ADGRV1: variants seen among roughly 807,000 people sequenced by gnomAD.
ADGRV1 encodes G-protein coupled receptor 98.
Under a neutral mutation model 596.2 loss-of-function variants are expected in ADGRV1, and 359 were observed. The observed-to-expected ratio is 0.60, with a 90% CI of 0.55 to 0.66. The LOEUF (loss-of-function observed/expected upper bound fraction) is 0.66. Among genes scored for constraint, ADGRV1 ranks in the 30% least tolerant of loss-of-function variants. The pLI is 0.00. For missense variants in ADGRV1, 7,274 were observed against 7,575.6 expected (o/e 0.96, Z 1.48); for synonymous variants, 2,681 against 2,679.2 (o/e 1.00, Z -0.02).
At chr5:90,822,991 C>G (rs111669000) in intron 75 of ADGRV1, among the ~76,000 whole-genome samples, 1,994 of 152,262 alleles carry the variant, frequency 0.013, 48 homozygotes, top group African/African-American at 0.045. Flanking sequence ...TATCCTGAGA[C>G]TTTGCTGAAG....
At chr5:91,114,256 G>T (rs1340174154) in intron 87 of ADGRV1, among the ~76,000 whole-genome samples, 2 of 151,994 alleles carry the variant, frequency 1.3e-5, no homozygotes, top group Non-Finnish European at 2.9e-5. Context: ...GCTGGGTGCA[G>T]TGGGTCAAGC....
chr5:90,807,449 C>T (rs1224327151), intron 72 of ADGRV1, among the ~76,000 whole-genome samples, 153 bp from the exon 73 acceptor site: 3 of 152,158 alleles, frequency 2.0e-5, no homozygotes, highest in Non-Finnish European at 4.4e-5. Context: ...TGTAAGTTTA[C>T]CTCTCCCCCG....
intron 52 of ADGRV1, among the ~76,000 whole-genome samples, chr5:90,746,840 A>G (rs956139376): frequency 6.6e-6 from 1 of 152,228 alleles, no homozygotes; most frequent in Non-Finnish European, 1.5e-5. Flanking sequence ...TGCAGCAGTT[A>G]TTTAACAAAT....
At position 90,763,303 on chromosome 5, in the gene ADGRV1, A is replaced by G; in HGVS notation, c.12121-2A>G. 1 of 1,520,522 alleles carries G rather than the reference A, an allele frequency of 6.6e-7. No individual in the cohort carries two copies. Among genetic ancestry groups the G allele is most frequent in the Non-Finnish European group, 8.9e-7 (1 of 1,126,118 alleles). The allele number at this position is 1,520,522 out of a possible 1,614,324, so 94.2% of individuals were successfully genotyped here. The stretch of plus-strand genomic sequence containing the variant: ...TGGCCTTACTGAATTTTCTTCTTTC[A>G]GGTAATGATTGATGAATCCCTTTCA... On this transcript the variant is annotated splice_acceptor_variant, in intron 58 of 89. Coordinates refer to ENST00000405460, the MANE Select transcript of ADGRV1 (RefSeq NM_032119.4). LOFTEE classifies it high-confidence loss of function.
intron 87 of ADGRV1, among the ~76,000 whole-genome samples, chr5:91,122,892 T>G (rs1212945123): frequency 6.6e-6 from 1 of 152,270 alleles, no homozygotes; most frequent in African/African-American, 2.4e-5. Flanking sequence ...TAGTGTCAGA[T>G]GTGCTTCCTG....
chr5:90,813,587 C>T (rs563157388), intron 74 of ADGRV1, among the ~76,000 whole-genome samples: 1 of 152,202 alleles, frequency 6.6e-6, no homozygotes, highest in African/African-American at 2.4e-5. Context: ...ATAAGGCACA[C>T]TCATCACACA....
intron 70 of ADGRV1, among the ~76,000 whole-genome samples, chr5:90,801,253 C>T (rs1351957911): frequency 2.0e-5 from 3 of 152,138 alleles, no homozygotes; most frequent in Non-Finnish European, 4.4e-5. Flanking sequence ...CTCAAATCTG[C>T]TCTAACTCAT....
chr5:90,781,095 A>T (rs1042033031), intron 64 of ADGRV1: 2 of 352,790 alleles, frequency 5.7e-6, no homozygotes, highest in African/African-American at 2.1e-5. Context: ...CTGTATATGT[A>T]TGTATTCAGC....
chr5:90,683,019 T>C (rs1745145352), intron 27 of ADGRV1, among the ~76,000 whole-genome samples: 1 of 152,236 alleles, frequency 6.6e-6, no homozygotes, highest in Non-Finnish European at 1.5e-5. Flanking sequence ...TTCCTTGCAA[T>C]GAAATATATA....
chr5:91,122,356 G>A (rs1448665839), intron 87 of ADGRV1, among the ~76,000 whole-genome samples: 5 of 152,142 alleles, frequency 3.3e-5, no homozygotes, highest in Non-Finnish European at 5.9e-5. Flanking sequence ...TTTCCCAAAT[G>A]GTAACAAGGG....
At chr5:90,776,265 C>T (rs1381497923) in intron 60 of ADGRV1, among the ~76,000 whole-genome samples, 188 bp from the exon 61 acceptor site, 3 of 152,044 alleles carry the variant, frequency 2.0e-5, no homozygotes, top group African/African-American at 7.3e-5. Flanking sequence ...AGCGATTTGC[C>T]TCCATGTCTT....
intron 86 of ADGRV1, among the ~76,000 whole-genome samples, chr5:91,085,448 C>T (rs979312408): frequency 1.3e-5 from 2 of 152,176 alleles, no homozygotes; most frequent in Non-Finnish European, 2.9e-5. Flanking sequence ...ATCTTTGAAA[C>T]AGATTCTACT....
In ADGRV1 at chr5:90,729,681, G is replaced by A. The variant is rs780372483; in HGVS notation, c.10466G>A (p.Gly3489Glu). The change falls in exon 50 of 90, where the codon GGA (glycine) becomes GAA (glutamate). Residue 3489 changes from glycine to glutamate, a missense_variant. Gly to Glu is a moderately conservative substitution (Grantham distance 98, BLOSUM62 -2). Coordinates refer to ENST00000405460, the MANE Select transcript of ADGRV1 (RefSeq NM_032119.4). ...ATTGATATTTTCATCTGGGAGATGG[G>A]ACAGTCTTCCTTCAGGTATTTTCAG... ...NSIDIFIWEM[G>E]QSSFRYFQSV... 10 of 1,604,754 alleles carry A rather than the reference G, an allele frequency of 6.2e-6. No individual in the cohort carries two copies. In the Middle Eastern group the frequency reaches 8.2e-4, roughly 132 times the overall value.
intron 89 of ADGRV1, among the ~76,000 whole-genome samples, chr5:91,163,318 C>G (rs886400067): frequency 1.3e-5 from 2 of 152,228 alleles, no homozygotes; most frequent in African/African-American, 2.4e-5. Context: ...GGTGTTCTCA[C>G]ATGCCTGTCT....
chr5:90,712,539 G>A, intron 42 of ADGRV1, 111 bp downstream of exon 42: 1 of 815,486 alleles, frequency 1.2e-6, no homozygotes, highest in Non-Finnish European at 1.9e-6. Context: ...TGCTTAAAAT[G>A]AGAATGATTT....
chr5:90,767,062 A>G (rs1206531750), intron 59 of ADGRV1, among the ~76,000 whole-genome samples: 2 of 152,208 alleles, frequency 1.3e-5, no homozygotes, highest in African/African-American at 4.8e-5. Context: ...GGGAGGTGGA[A>G]GAGACAATCT....
Position 90,755,183 on chromosome 5 carries a change from C to A in ADGRV1, c.11578C>A (p.Pro3860Thr). The A allele has an allele frequency of 6.3e-7, 1 of 1,594,102 alleles. No individual in the cohort carries two copies. The highest frequency in any genetic ancestry group is 8.5e-7 in the Non-Finnish European group (1 of 1,174,390). Residue 3860 changes from proline (P) to threonine (T), a missense_variant and splice_region_variant, in exon 55 of 90, where the codon CCG becomes ACG. Pro to Thr is a conservative substitution (Grantham distance 38). Transcript: ENST00000405460. ...AGCTCATGCCGAAGTTTCCATTTTGCCGGTAAGTCAAGGCTGCAAAGAATG... is the reference window on the plus strand; with the variant it reads ...AGCTCATGCCGAAGTTTCCATTTTGACGGTAAGTCAAGGCTGCAAAGAATG... Reference protein sequence around the residue: ...KEAHAEVSILPDDLPELEEGF... With the variant: ...KEAHAEVSILTDDLPELEEGF...
chr5:90,865,457 A>G (rs1768001804), intron 83 of ADGRV1, among the ~76,000 whole-genome samples: 1 of 152,080 alleles, frequency 6.6e-6, no homozygotes, highest in African/African-American at 2.4e-5. Flanking sequence ...TGAAAGACAA[A>G]ACCAGGATTT....
intron 70 of ADGRV1, among the ~76,000 whole-genome samples, chr5:90,795,090 T>TG (rs1173325759): frequency 3.3e-4 from 49 of 148,418 alleles, no homozygotes; most frequent in African/African-American, 1.2e-3. Flanking sequence ...GCAGAAGTTT[T>TG]TTTTTTTTTT....
Sources: allele counts gnomAD v4.1 joint callset (sites outside exome capture counted in the v4.1 genomes callset), GRCh38; gene constraint gnomAD v4.1.1; transcripts MANE v1.5; gene names NCBI Gene and HGNC (gene_info 2026-07-23, HGNC 2026-07-21).